SYNE1: variants seen among roughly 807,000 people sequenced by gnomAD.
SYNE1 encodes the protein spectrin repeat containing nuclear envelope protein 1.
Under a neutral mutation model 1,111.0 loss-of-function variants are expected in SYNE1, and 616 were observed. That is an observed-to-expected ratio of 0.55 (90% confidence interval 0.52 to 0.59). SYNE1 has a LOEUF of 0.59. Ranked by LOEUF, SYNE1 falls within the 20% of genes least tolerant of loss-of-function variation. The pLI, the probability that SYNE1 is intolerant of heterozygous loss-of-function variation, is 0.00. For missense variants in SYNE1, 10,006 were observed against 10,417.0 expected (o/e 0.96, Z 1.72); for synonymous variants, 3,855 against 3,825.8 (o/e 1.01, Z -0.28).
intron 27 of SYNE1, among the ~76,000 whole-genome samples, chr6:152,450,073 G>A (rs1197373460): frequency 2.0e-5 from 3 of 152,232 alleles, no homozygotes; most frequent in East Asian, 1.9e-4. Context: ...CACATGTCAT[G>A]AGAGGGACCT....
In SYNE1 at chr6:152,135,125, C is replaced by T; in HGVS notation, c.25767G>A (p.Gln8589=). ...IDSNLDAEIL[Q]DHHKQLMQIK... is the part of the protein sequence containing the mutation. ...TTACCATAAGCTGTTTGTGATGGTC[C>T]TGAAGTATCTCTGCATCAAGGTTAG... The change falls in exon 142 of 146, where the codon CAG becomes CAA. Residue 8589 remains glutamine, a synonymous_variant. Transcript: ENST00000367255. The T allele has an allele frequency of 1.9e-6, 3 of 1,614,054 alleles. No individual in the cohort carries two copies. The highest frequency in any genetic ancestry group is 2.5e-6 in the Non-Finnish European group (3 of 1,180,002).
intron 16 of SYNE1, among the ~76,000 whole-genome samples, chr6:152,467,795 C>G (rs1191210340): frequency 6.6e-6 from 1 of 152,022 alleles, no homozygotes; most frequent in Non-Finnish European, 1.5e-5. Context: ...AAGAAAGATA[C>G]CTATTTTGTA....
Position 152,463,517 on chromosome 6 carries a change from C to T in SYNE1, c.1933G>A (p.Asp645Asn). 1 of 1,611,926 alleles carries T rather than the reference C, an allele frequency of 6.2e-7. No individual in the cohort carries two copies. Among genetic ancestry groups the T allele is most frequent in the Non-Finnish European group, 8.5e-7 (1 of 1,178,556 alleles). The change falls in exon 19 of 146, where the codon GAT becomes AAT. Residue 645 changes from aspartate (D) to asparagine (N), a missense_variant and splice_region_variant. Coordinates refer to ENST00000367255, the MANE Select transcript of SYNE1 (RefSeq NM_182961.4). The part of the protein sequence containing the change: ...MLNQSENAKK[D>N]FFRNLPHWIQ... Reference sequence around the variant, plus strand: ...CAATGAGGTAAATTTCGAAAAAAATCCTAAACAATAAATAATGCACAATAT... The same window carrying T: ...CAATGAGGTAAATTTCGAAAAAAATTCTAAACAATAAATAATGCACAATAT...
intron 96 of SYNE1, among the ~76,000 whole-genome samples, chr6:152,282,453 C>T (rs949073099): frequency 1.4e-4 from 21 of 152,018 alleles, no homozygotes; most frequent in East Asian, 1.9e-4. Flanking sequence ...CTGTGGGAAG[C>T]GGTGGCCCAG....
chr6:152,133,055 A>G (rs897954035), intron 143 of SYNE1, among the ~76,000 whole-genome samples: 1 of 152,226 alleles, frequency 6.6e-6, no homozygotes, highest in African/African-American at 2.4e-5. Context: ...AGCAACAACA[A>G]GAGAGCTTTT....
intron 3 of SYNE1, chr6:152,546,730 T>C (rs1432388786): frequency 6.6e-6 from 1 of 152,236 alleles, no homozygotes; most frequent in Non-Finnish European, 1.5e-5. Flanking sequence ...AGAGTTAAGC[T>C]GTAACATACT....
chr6:152,243,986 T>C (rs1321853904), intron 106 of SYNE1, among the ~76,000 whole-genome samples: 35 of 152,228 alleles, frequency 2.3e-4, no homozygotes, highest in Admixed American at 2.1e-3. Context: ...TGAAGGATGA[T>C]AGGAAGTCTG....
Position 152,483,264 on chromosome 6 carries a change from G to T in SYNE1, c.1186-15C>A. The T allele has an allele frequency of 3.1e-6, 5 of 1,612,692 alleles. No homozygotes were observed. Among genetic ancestry groups the T allele is most frequent in the Non-Finnish European group, 4.2e-6 (5 of 1,178,848 alleles). ...CAGTCAAAGAGCTAAAATTTAAAAAGCAGAAAAGTAAAATATCTTTAATAC... is the reference window on the plus strand; with the variant it reads ...CAGTCAAAGAGCTAAAATTTAAAAATCAGAAAAGTAAAATATCTTTAATAC... On this transcript the variant is annotated splice_polypyrimidine_tract_variant and intron_variant, in intron 13 of 145. Transcript: ENST00000367255.
Position 152,364,991 on chromosome 6 carries a change from T to G in SYNE1, c.10001A>C (p.Glu3334Ala). ...GGTCACTATCATTTTCATCTGAATCTCTTTTTCCTGTTTGACTGATAATAG... is the reference window on the plus strand; with the variant it reads ...GGTCACTATCATTTTCATCTGAATCGCTTTTTCCTGTTTGACTGATAATAG... ...EALLSVKQEK[E>A]IQMKMIVTRG... Residue 3334 changes from glutamate (E) to alanine (A), a missense_variant, in exon 63 of 146, where the codon GAG becomes GCG. By Grantham distance (107) the Glu-to-Ala change is moderately radical. Transcript: ENST00000367255. 6.2e-7 allele frequency: 1 copy of G among 1,614,238 alleles called. No individual in the cohort carries two copies. Among genetic ancestry groups the G allele is most frequent in the Non-Finnish European group, 8.5e-7 (1 of 1,180,034 alleles).
chr6:152,423,273 C>G (rs2098296403), intron 39 of SYNE1, among the ~76,000 whole-genome samples: 1 of 152,204 alleles, frequency 6.6e-6, no homozygotes, highest in South Asian at 2.1e-4. Flanking sequence ...CTCAATATGG[C>G]ATATATTCTG....
rs117926161 is a variant in SYNE1 at position 152,141,065 on chromosome 6, T to C, written c.25246+138A>G. ...ACAAACAAACAACAAAAAAGGAGACTGTTATAACTTGGAAGGAAGTTCTCA... is the reference window on the plus strand; with the variant it reads ...ACAAACAAACAACAAAAAAGGAGACCGTTATAACTTGGAAGGAAGTTCTCA... On this transcript the variant is annotated intron_variant, in intron 139 of 145. Coordinates refer to ENST00000367255, the MANE Select transcript of SYNE1 (RefSeq NM_182961.4). 5.3e-3 allele frequency: 6,575 copies of C among 1,241,994 alleles called. 42 individuals are homozygous for C. The highest frequency in any genetic ancestry group is 0.013 in the South Asian group (1,027 of 81,638). 76.9% of individuals were successfully genotyped at this position (1,241,994 alleles called of 1,614,324 possible).
At chr6:152,388,765 T>C (rs1013389000) in intron 53 of SYNE1, among the ~76,000 whole-genome samples, 10 of 152,262 alleles carry the variant, frequency 6.6e-5, no homozygotes, top group East Asian at 5.8e-4. Flanking sequence ...TCACTCAATA[T>C]GTCACTGTCA....
At chr6:152,248,708 C>T (rs1274753026) in intron 105 of SYNE1, among the ~76,000 whole-genome samples, 1 of 152,066 alleles carries the variant, frequency 6.6e-6, no homozygotes, top group Non-Finnish European at 1.5e-5. Context: ...TCCTCTTTAC[C>T]GTGATATCTT....
In SYNE1 at chr6:152,254,906, T is replaced by C. The variant is rs926507956; in HGVS notation, c.19444A>G (p.Arg6482Gly). Residue 6482 changes from arginine to glycine, a missense_variant, in exon 104 of 146, where the codon AGA (arginine) becomes GGA (glycine). This residue lies in a region of SYNE1 where 2,182 missense variants were observed against 2,287.8 expected (regional missense o/e 0.95). Coordinates refer to ENST00000367255, the MANE Select transcript of SYNE1 (RefSeq NM_182961.4). ...VNQRCHQMKERLQQILNFQND... is the reference protein window; with the variant it reads ...VNQRCHQMKEGLQQILNFQND... ...TGGAAATTTAGTATTTGCTGAAGTC[T>C]TTCTTTCATCTGATGACATCGTTGA... is the stretch of plus-strand genomic sequence containing the variant. 5 of 1,613,826 alleles carry C rather than the reference T, an allele frequency of 3.1e-6. No individual in the cohort carries two copies. The African/African-American group carries it at 6.7e-5, about 22-fold the overall frequency.
chr6:152,456,005 T>A lies in SYNE1; in HGVS notation c.2608A>T (p.Thr870Ser), dbSNP rs773195787. The change falls in exon 23 of 146, where the codon ACA (threonine) becomes TCA (serine). Residue 870 changes from threonine (T) to serine (S), a missense_variant. Coordinates refer to ENST00000367255, the MANE Select transcript of SYNE1 (RefSeq NM_182961.4). ...ACQENCKKTLTLIEKGSQSVQ... is the reference protein window; with the variant it reads ...ACQENCKKTLSLIEKGSQSVQ... The stretch of plus-strand genomic sequence containing the variant: ...CTTTGACTGCCTTTCTCAATAAGTG[T>A]CAAGGTTTTCTTACAGTTTTCTTGA... The A allele has an allele frequency of 1.9e-6, 3 of 1,614,004 alleles. No individual in the cohort carries two copies. In the Admixed American group the frequency reaches 5.0e-5, roughly 27 times the overall value.
chr6:152,198,515 G>A (rs2074663765), intron 127 of SYNE1, among the ~76,000 whole-genome samples: 1 of 152,154 alleles, frequency 6.6e-6, no homozygotes, highest in African/African-American at 2.4e-5. Flanking sequence ...GGCACAAGAG[G>A]CCTAGCTTTT....
At chr6:152,339,001 T>TGG (rs1445920967) in intron 75 of SYNE1, among the ~76,000 whole-genome samples, 1 of 152,328 alleles carries the variant, frequency 6.6e-6, no homozygotes, top group East Asian at 1.9e-4. Flanking sequence ...AAGGTTCTAA[T>TGG]GGGCAGCGAA....
At chr6:152,302,863 G>C (rs549167501) in intron 91 of SYNE1, among the ~76,000 whole-genome samples, 5 of 151,982 alleles carry the variant, frequency 3.3e-5, no homozygotes, top group Non-Finnish European at 7.4e-5. Context: ...ATGAGAGATA[G>C]AGGTTTTAAA....
At chr6:152,594,161 C>T (rs1189478762) in intron 3 of SYNE1, among the ~76,000 whole-genome samples, 1 of 152,186 alleles carries the variant, frequency 6.6e-6, no homozygotes, top group Non-Finnish European at 1.5e-5. Context: ...GTCTACTGGT[C>T]TTGCCATTCT....
Sources: gnomAD v4.1 joint callset for allele counts (sites outside exome capture counted in the v4.1 genomes callset) on GRCh38, gnomAD v4.1.1 for gene constraint, gnomAD v4.1.1 regional missense constraint, MANE v1.5 for transcripts, NCBI Gene and HGNC (gene_info 2026-07-23, HGNC 2026-07-21) for gene names.